The following INPP4B variants were observed in gnomAD, a reference collection of about 807,000 sequenced individuals.
The protein encoded by INPP4B is inositol polyphosphate-4-phosphatase type II B.
In INPP4B, 55 loss-of-function variants were observed where a neutral mutation model predicts 122.5. The observed-to-expected ratio is 0.45, with a 90% CI of 0.36 to 0.56. The LOEUF is 0.56. Among genes scored for constraint, INPP4B ranks in the 20% least tolerant of loss-of-function variants. INPP4B has a pLI of 0.00. For missense variants in INPP4B, 1,000 were observed against 1,097.7 expected (o/e 0.91, Z 1.26); for synonymous variants, 403 against 388.7 (o/e 1.04, Z -0.43).
intron 5 of INPP4B, chr4:142,426,411 ATTTC>A (rs1443102588): frequency 1.3e-5 from 2 of 151,998 alleles, no homozygotes; most frequent in South Asian, 2.1e-4. Context: ...GTTTTTAATT[ATTTC>A]TTTCTTTATG....
chr4:142,625,728 A>C (rs1286577624), intron 2 of INPP4B, among the ~76,000 whole-genome samples: 2 of 152,210 alleles, frequency 1.3e-5, no homozygotes, highest in Admixed American at 6.5e-5. Context: ...CCTGATTTCA[A>C]ACTATACTAC....
chr4:142,102,954 G>T (rs561449590), intron 23 of INPP4B, among the ~76,000 whole-genome samples: 1 of 152,002 alleles, frequency 6.6e-6, no homozygotes, highest in Non-Finnish European at 1.5e-5. Context: ...ATTCTATTGC[G>T]TTCAGCTTAT....
At position 142,510,642 on chromosome 4, in the gene INPP4B, G is replaced by T. The variant is rs75080218; in HGVS notation, c.-190-47916C>A. Reference sequence around the variant, plus strand: ...GTTCTATTGCATTTTCATCACCTACGTATTGAGTAATAGACCTTAAATATC... The same window carrying T: ...GTTCTATTGCATTTTCATCACCTACTTATTGAGTAATAGACCTTAAATATC... On this transcript the variant is annotated intron_variant, in intron 2 of 25. Coordinates refer to ENST00000262992, the MANE Select transcript of INPP4B (RefSeq NM_001101669.3). Among the ~76,000 whole-genome samples, 31 of 152,218 alleles carry T rather than the reference G, an allele frequency of 2.0e-4. No homozygotes were observed. In the East Asian group the frequency reaches 6.0e-3, roughly 29 times the overall value.
intron 11 of INPP4B, among the ~76,000 whole-genome samples, chr4:142,257,307 C>A (rs1212395021): frequency 6.6e-6 from 1 of 152,130 alleles, no homozygotes; most frequent in South Asian, 2.1e-4. Context: ...AGACGGGATG[C>A]CCTCTCTCAC....
intron 2 of INPP4B, among the ~76,000 whole-genome samples, chr4:142,505,309 A>T (rs1348780828): frequency 6.6e-6 from 1 of 151,988 alleles, no homozygotes; most frequent in Non-Finnish European, 1.5e-5. Context: ...ACATATGTGA[A>T]TATAATTTTT....
At chr4:142,791,364 A>G (rs1293552127) in intron 1 of INPP4B, among the ~76,000 whole-genome samples, 4 of 152,154 alleles carry the variant, frequency 2.6e-5, no homozygotes, top group Non-Finnish European at 5.9e-5. Context: ...TGTATACTAA[A>G]GGGTCAGAGA....
At chr4:142,502,657 T>A (rs1045373333) in intron 2 of INPP4B, among the ~76,000 whole-genome samples, 2 of 151,988 alleles carry the variant, frequency 1.3e-5, no homozygotes, top group African/African-American at 4.8e-5. Flanking sequence ...ATTTTTGTAT[T>A]TTTAGTAGAG....
intron 12 of INPP4B, among the ~76,000 whole-genome samples, chr4:142,224,219 G>A (rs2200998): frequency 0.99 from 151,317 of 152,306 alleles, 75,173 homozygotes; most frequent in Middle Eastern, 1. Context: ...AAATACATAA[G>A]TTAAATCTTA....
chr4:142,410,902 G>C (rs569572114), intron 5 of INPP4B, among the ~76,000 whole-genome samples: 5 of 152,056 alleles, frequency 3.3e-5, no homozygotes, highest in African/African-American at 1.2e-4. Flanking sequence ...AGATATTCCA[G>C]ATTGGTCCTA....
intron 2 of INPP4B, among the ~76,000 whole-genome samples, chr4:142,511,238 C>G (rs1444037268): frequency 9.2e-5 from 14 of 152,066 alleles, no homozygotes; most frequent in African/African-American, 3.4e-4. Flanking sequence ...CCCTAATGTA[C>G]TTTTGAAAAG....
At chr4:142,232,319 G>A (rs560161855) in intron 12 of INPP4B, among the ~76,000 whole-genome samples, 1 of 152,076 alleles carries the variant, frequency 6.6e-6, no homozygotes, top group African/African-American at 2.4e-5. Flanking sequence ...AGGTCTACCA[G>A]CTCCATTTTT....
chr4:142,312,886 T>C (rs1766077643), intron 8 of INPP4B, among the ~76,000 whole-genome samples: 1 of 152,128 alleles, frequency 6.6e-6, no homozygotes, highest in South Asian at 2.1e-4. Context: ...CAGGTAACCA[T>C]TGCCTGAGAA....
At chr4:142,656,816 T>C (rs1219337667) in intron 2 of INPP4B, among the ~76,000 whole-genome samples, 3 of 152,222 alleles carry the variant, frequency 2.0e-5, no homozygotes, top group Non-Finnish European at 4.4e-5. Flanking sequence ...TTTTAGAAGA[T>C]GTTTTTACTG....
chr4:142,734,995 G>T (rs1285308129), intron 1 of INPP4B, among the ~76,000 whole-genome samples: 1 of 152,160 alleles, frequency 6.6e-6, no homozygotes, highest in Non-Finnish European at 1.5e-5. Flanking sequence ...GAAATAAAAG[G>T]AAGCTTTCAA....
intron 2 of INPP4B, among the ~76,000 whole-genome samples, chr4:142,672,522 TC>T (rs1235611202): frequency 6.6e-6 from 1 of 152,196 alleles, no homozygotes; most frequent in Non-Finnish European, 1.5e-5. Flanking sequence ...ATGTTGAGCA[TC>T]TTTTCATGTA....
chr4:142,495,904 C>A (rs1822495619), intron 2 of INPP4B, among the ~76,000 whole-genome samples: 1 of 152,172 alleles, frequency 6.6e-6, no homozygotes, highest in Admixed American at 6.5e-5. Context: ...AATACCGAAT[C>A]CTCATGCTTC....
At chr4:142,490,199 C>T (rs188684836) in intron 2 of INPP4B, among the ~76,000 whole-genome samples, 30 of 152,144 alleles carry the variant, frequency 2.0e-4, no homozygotes, top group Middle Eastern at 3.4e-3. Context: ...ATGCTCCCAC[C>T]TCAGCCTCCT....
intron 2 of INPP4B, among the ~76,000 whole-genome samples, chr4:142,710,669 C>G (rs1049381519): frequency 3.9e-5 from 6 of 152,174 alleles, no homozygotes; most frequent in Non-Finnish European, 8.8e-5. Flanking sequence ...ATATCCTCCA[C>G]CTATACCTCA....
At chr4:142,352,592 A>ATAGGATCAT (rs1782266698) in intron 7 of INPP4B, among the ~76,000 whole-genome samples, 1 of 151,868 alleles carries the variant, frequency 6.6e-6, no homozygotes, top group African/African-American at 2.4e-5. Flanking sequence ...CTTTAATATA[A>ATAGGATCAT]TAGGATCATA....
Sources: allele counts gnomAD v4.1 joint callset (sites outside exome capture counted in the v4.1 genomes callset), GRCh38; gene constraint gnomAD v4.1.1; transcripts MANE v1.5; gene names NCBI Gene and HGNC (gene_info 2026-07-23, HGNC 2026-07-21).